MAGI3: variants seen among roughly 807,000 people sequenced by gnomAD.
MAGI3 encodes the protein membrane-associated guanylate kinase, WW and PDZ domain-containing protein 3.
MAGI3 carries 43 observed loss-of-function variants against 121.8 expected under a neutral mutation model. The observed-to-expected ratio is 0.35, with a 90% CI of 0.28 to 0.46. The LOEUF is 0.46. MAGI3 is among the 20% of genes least tolerant of loss of function. MAGI3 has a pLI of 1.00. For missense variants in MAGI3, 1,547 were observed against 1,797.3 expected, an observed-to-expected ratio of 0.86 and a Z score of 2.52; for synonymous variants, 553 against 639.3, an observed-to-expected ratio of 0.86 and a Z score of 2.04.
intron 19 of MAGI3, among the ~76,000 whole-genome samples, chr1:113,674,751 C>A (rs906902626): frequency 6.6e-6 from 1 of 152,076 alleles, no homozygotes; most frequent in African/African-American, 2.4e-5. Flanking sequence ...TTTGCATTAC[C>A]CAAAGCTTTA....
At chr1:113,401,993 A>G (rs1651432812) in intron 1 of MAGI3, among the ~76,000 whole-genome samples, 1 of 152,196 alleles carries the variant, frequency 6.6e-6, no homozygotes, top group Non-Finnish European at 1.5e-5. Context: ...CTTGAGTGGA[A>G]GGAAACACAG....
chr1:113,455,064 T>C (rs11102638), intron 1 of MAGI3, among the ~76,000 whole-genome samples: 23,176 of 151,874 alleles, frequency 0.15, 2,807 homozygotes, highest in East Asian at 0.63. Context: ...CATTAAAAGA[T>C]AAATAGTGGG....
intron 19 of MAGI3, among the ~76,000 whole-genome samples, chr1:113,679,840 G>A (rs1024730799): frequency 2.0e-5 from 3 of 151,902 alleles, no homozygotes; most frequent in African/African-American, 7.3e-5. Flanking sequence ...CAAGTAGCTG[G>A]GATTACAGGC....
At chr1:113,488,609 G>A (rs750370005) in intron 1 of MAGI3, among the ~76,000 whole-genome samples, 4 of 152,184 alleles carry the variant, frequency 2.6e-5, no homozygotes, top group Non-Finnish European at 4.4e-5. Flanking sequence ...CTAACCCATG[G>A]CAACTTACTC....
chr1:113,482,705 A>AT (rs1454120917), intron 1 of MAGI3, among the ~76,000 whole-genome samples: 2 of 143,104 alleles, frequency 1.4e-5, no homozygotes, highest in Non-Finnish European at 3.0e-5. Flanking sequence ...AAATCTAATA[A>AT]TTTTTTATGG....
At chr1:113,637,569 C>T (rs981819574) in intron 9 of MAGI3, among the ~76,000 whole-genome samples, 1 of 152,224 alleles carries the variant, frequency 6.6e-6, no homozygotes, top group African/African-American at 2.4e-5. Flanking sequence ...CCACTCTCTT[C>T]TGGCTTGTAG....
intron 1 of MAGI3, among the ~76,000 whole-genome samples, chr1:113,519,103 A>G (rs984681446): frequency 1.3e-5 from 2 of 152,108 alleles, no homozygotes; most frequent in Admixed American, 1.3e-4. Context: ...AGCCTCAAGA[A>G]TTTGGGCTAT....
chr1:113,611,792 CTTG>C (rs1480519660), intron 6 of MAGI3, among the ~76,000 whole-genome samples: 6 of 152,116 alleles, frequency 3.9e-5, no homozygotes, highest in African/African-American at 1.2e-4. Context: ...GAATTTTGTG[CTTG>C]TTCATAAAAT....
At chr1:113,661,906 T>C (rs1357615040) in intron 16 of MAGI3, among the ~76,000 whole-genome samples, 1 of 152,238 alleles carries the variant, frequency 6.6e-6, no homozygotes, top group Non-Finnish European at 1.5e-5. Context: ...CCAGAATCTC[T>C]TATTTTTCTT....
At chr1:113,460,020 A>T (rs1408336564) in intron 1 of MAGI3, among the ~76,000 whole-genome samples, 1 of 152,242 alleles carries the variant, frequency 6.6e-6, no homozygotes, top group Non-Finnish European at 1.5e-5. Context: ...ACAAATCCTC[A>T]ACAGAATACT....
chr1:113,615,821 A>G (rs1316387973), intron 7 of MAGI3, among the ~76,000 whole-genome samples: 5 of 152,206 alleles, frequency 3.3e-5, no homozygotes, highest in Admixed American at 3.3e-4. Flanking sequence ...AAAAGTATAC[A>G]GCAGCTCTTT....
intron 1 of MAGI3, among the ~76,000 whole-genome samples, chr1:113,447,746 T>A (rs1654252160): frequency 6.6e-6 from 1 of 152,008 alleles, no homozygotes; most frequent in African/African-American, 2.4e-5. Context: ...TCCAGCTACT[T>A]GGGAGGCAGA....
rs545595113 is a variant in MAGI3, at chr1:113,509,914, C to T, written c.317-39601C>T. ...CGGTGCTGTTCACTCTGACAGAGTG[C>T]GCCTGCAGCACGTTGCCTCCAGGGC... On this transcript the variant is annotated intron_variant, in intron 1 of 20. Coordinates refer to ENST00000307546, the MANE Select transcript of MAGI3 (RefSeq NM_001142782.2). Among the ~76,000 whole-genome samples, 348 of 151,030 alleles carry T rather than the reference C, an allele frequency of 2.3e-3. 2 individuals carry two copies. Among genetic ancestry groups the T allele is most frequent in the African/African-American group, 8.1e-3 (333 of 41,056 alleles).
chr1:113,463,008 A>G (rs915469616), intron 1 of MAGI3, among the ~76,000 whole-genome samples: 5 of 152,140 alleles, frequency 3.3e-5, no homozygotes, highest in African/African-American at 1.2e-4. Context: ...GTGTTTTAAA[A>G]ACAAGTAAGA....
At chr1:113,569,308 G>T (rs1483328219) in intron 2 of MAGI3, among the ~76,000 whole-genome samples, 2 of 151,970 alleles carry the variant, frequency 1.3e-5, no homozygotes, top group Non-Finnish European at 2.9e-5. Context: ...TGCACTATTT[G>T]CCCTATCTTC....
intron 3 of MAGI3, among the ~76,000 whole-genome samples, chr1:113,584,966 C>CATTTT (rs61622151): frequency 2.7e-5 from 3 of 110,732 alleles, no homozygotes; most frequent in African/African-American, 3.7e-5. Context: ...GTAGATATTT[C>CATTTT]CTTTTTTTTT....
chr1:113,606,990 C>G (rs1008001074), intron 6 of MAGI3, among the ~76,000 whole-genome samples: 9 of 152,084 alleles, frequency 5.9e-5, no homozygotes, highest in Middle Eastern at 3.2e-3. Flanking sequence ...TTCATTTATT[C>G]TTTCTCTATC....
At chr1:113,402,357 A>T (rs1366471708) in intron 1 of MAGI3, among the ~76,000 whole-genome samples, 1 of 152,132 alleles carries the variant, frequency 6.6e-6, no homozygotes, top group African/African-American at 2.4e-5. Flanking sequence ...TTAAGCCTTT[A>T]TAATGGTGTA....
At chr1:113,600,510 T>G (rs1461214118) in intron 6 of MAGI3, among the ~76,000 whole-genome samples, 3 of 151,964 alleles carry the variant, frequency 2.0e-5, no homozygotes, top group Non-Finnish European at 4.4e-5. Context: ...GAATCCAACT[T>G]ACAAGGGACA....
Sources: gnomAD v4.1 joint callset for allele counts (sites outside exome capture counted in the v4.1 genomes callset) on GRCh38, gnomAD v4.1.1 for gene constraint, MANE v1.5 for transcripts, NCBI Gene and HGNC (gene_info 2026-07-23, HGNC 2026-07-21) for gene names.